The following HERC4 variants were observed in gnomAD, a reference collection of about 807,000 sequenced individuals.
The protein encoded by HERC4 is probable E3 ubiquitin-protein ligase HERC4.
A neutral mutation model predicts 124.3 loss-of-function variants in HERC4; 28 were observed. The ratio of observed to expected loss-of-function variants is 0.23; its 90% CI spans 0.17 to 0.31. The LOEUF (loss-of-function observed/expected upper bound fraction) is 0.31, where lower values mean the gene tolerates loss of function less well. Ranked by LOEUF, HERC4 falls within the 10% of genes least tolerant of loss-of-function variation. HERC4 has a pLI of 1.00. For synonymous variants in HERC4, 407 were observed against 421.5 expected (o/e 0.97, Z 0.42); for missense variants, 713 against 1,229.3 (o/e 0.58, Z 6.28).
At chr10:68,027,525 A>G (rs969896830) in intron 7 of HERC4, among the ~76,000 whole-genome samples, 1 of 152,232 alleles carries the variant, frequency 6.6e-6, no homozygotes, top group African/African-American at 2.4e-5. Flanking sequence ...AATCAATACT[A>G]ATTTCTTAAT....
At chr10:68,048,531 T>C (rs1390138271) in intron 3 of HERC4, among the ~76,000 whole-genome samples, 3 of 152,140 alleles carry the variant, frequency 2.0e-5, no homozygotes, top group Admixed American at 6.5e-5. Flanking sequence ...AGGCAGAGCA[T>C]AGAGGATTTT....
chr10:67,984,521 T>C (rs989378525), intron 15 of HERC4, among the ~76,000 whole-genome samples: 1 of 151,822 alleles, frequency 6.6e-6, no homozygotes, highest in Non-Finnish European at 1.5e-5. Context: ...GGCAGGGGCA[T>C]GGGTGAGGTT....
At chr10:67,992,040 AG>A (rs1191455314) in intron 11 of HERC4, among the ~76,000 whole-genome samples, 158 bp downstream of exon 11, 1 of 152,074 alleles carries the variant, frequency 6.6e-6, no homozygotes, top group Non-Finnish European at 1.5e-5. Context: ...CTGAGACCAC[AG>A]GTGTGCACCA....
intron 21 of HERC4, among the ~76,000 whole-genome samples, chr10:67,936,782 ATCTTT>A (rs1335112876): frequency 6.6e-6 from 1 of 152,140 alleles, no homozygotes; most frequent in Non-Finnish European, 1.5e-5. Context: ...CCACTTATGC[ATCTTT>A]TCTTTTGCTA....
At chr10:67,945,301 T>G (rs1446804190) in intron 19 of HERC4, among the ~76,000 whole-genome samples, 1 of 152,170 alleles carries the variant, frequency 6.6e-6, no homozygotes, top group Non-Finnish European at 1.5e-5. Context: ...CATGACATAT[T>G]TACAGTGCTG....
chr10:68,005,865 C>T (rs1316438980), intron 9 of HERC4, among the ~76,000 whole-genome samples: 1 of 152,034 alleles, frequency 6.6e-6, no homozygotes, highest in Non-Finnish European at 1.5e-5. Context: ...TGATGCCAGG[C>T]TAATTTTTAT....
At chr10:68,003,161 A>AC (rs1159946559) in intron 9 of HERC4, among the ~76,000 whole-genome samples, 1 of 146,090 alleles carries the variant, frequency 6.8e-6, no homozygotes, top group East Asian at 2.0e-4. Context: ...ATATTTTTAT[A>AC]CTTTTTTTTT....
intron 3 of HERC4, among the ~76,000 whole-genome samples, chr10:68,059,539 T>TA (rs1564607389): frequency 4.9e-4 from 57 of 116,018 alleles, no homozygotes; most frequent in Admixed American, 8.1e-4. Flanking sequence ...TTATATATCA[T>TA]ATTATATATC....
chr10:68,056,986 G>T (rs1464047672), intron 3 of HERC4, among the ~76,000 whole-genome samples: 1 of 152,146 alleles, frequency 6.6e-6, no homozygotes, highest in Non-Finnish European at 1.5e-5. Context: ...CAAGGAAAAG[G>T]AGTTGTTTTT....
chr10:67,958,425 C>T (rs1163739390), intron 16 of HERC4, among the ~76,000 whole-genome samples: 1 of 152,170 alleles, frequency 6.6e-6, no homozygotes, highest in African/African-American at 2.4e-5. Flanking sequence ...TTCTATTTGA[C>T]AATGAGGAAG....
At chr10:67,931,295 T>C (rs946660991) in intron 23 of HERC4, among the ~76,000 whole-genome samples, 5 of 152,056 alleles carry the variant, frequency 3.3e-5, no homozygotes, top group South Asian at 2.1e-4. Context: ...GCACTTTCTA[T>C]TAAATGTTTA....
chr10:68,020,755 C>T lies in HERC4; in HGVS notation c.908+4791G>A, dbSNP rs1262340108. Among the ~76,000 whole-genome samples the T allele has an allele frequency of 2.5e-4, 35 of 140,180 alleles. 1 individual carries two copies. In the East Asian group the frequency reaches 4.0e-3, roughly 16 times the overall value. 92.0% of individuals were successfully genotyped at this position (140,180 alleles called of 152,430 possible). ...CTGCACTCCAGCCTGGGCGACAGAG[C>T]GAGACTCCGTCTCAAAAAAAAAAAA... On this transcript the variant is annotated intron_variant, in intron 8 of 24. Coordinates refer to ENST00000373700, the MANE Select transcript of HERC4 (RefSeq NM_015601.4).
chr10:67,946,799 C>T (rs1033211176), intron 19 of HERC4, among the ~76,000 whole-genome samples: 12 of 151,988 alleles, frequency 7.9e-5, no homozygotes, highest in South Asian at 2.1e-4. Context: ...CCCAGCTACT[C>T]GGGAGGCTGA....
At position 67,936,139 on chromosome 10, in the gene HERC4, TA is replaced by T; in HGVS notation, c.2654+13del. 1 of 1,549,646 alleles carries T rather than the reference TA, an allele frequency of 6.5e-7. No individual in the cohort carries two copies. The highest frequency in any genetic ancestry group is 8.7e-7 in the Non-Finnish European group (1 of 1,144,572). ...ATCTTATTACTCCCACTGTTGCTGC[TA>T]AAATTCACTTACCGATTTTGTTTGT... On this transcript the variant is annotated intron_variant, in intron 22 of 24. Transcript: ENST00000373700.
chr10:67,990,809 G>A (rs2036511279), intron 13 of HERC4, 95 bp downstream of exon 13: 2 of 671,470 alleles, frequency 3.0e-6, no homozygotes, highest in Non-Finnish European at 4.9e-6. Context: ...GTAAGAGTCT[G>A]TGAAACTGCA....
chr10:67,929,829 T>TTTTTTTTTTTTTTG, intron 23 of HERC4, among the ~76,000 whole-genome samples: 1 of 150,598 alleles, frequency 6.6e-6, no homozygotes, highest in African/African-American at 2.5e-5. Flanking sequence ...ATTTTTTTTT[T>TTTTTTTTTTTTTTG]GAGATGGAGT....
chr10:68,031,196 A>C (rs911002527), intron 7 of HERC4, among the ~76,000 whole-genome samples: 1 of 152,212 alleles, frequency 6.6e-6, no homozygotes, highest in African/African-American at 2.4e-5. Context: ...GCATTTCTTA[A>C]AACTAAATAG....
intron 22 of HERC4, among the ~76,000 whole-genome samples, chr10:67,935,270 C>T (rs1447188787): frequency 6.6e-6 from 1 of 151,936 alleles, no homozygotes; most frequent in Non-Finnish European, 1.5e-5. Context: ...CTCAGCCTCC[C>T]GAGTAGCTGG....
In HERC4 at chr10:68,071,020, A is replaced by G. The variant is rs181086835; in HGVS notation, c.226+1863T>C. Among the ~76,000 whole-genome samples the G allele has an allele frequency of 1.8e-3, 267 of 152,326 alleles. 5 individuals are homozygous for G. Among genetic ancestry groups the G allele is most frequent in the Non-Finnish European group, 4.7e-4 (32 of 68,030 alleles). On this transcript the variant is annotated intron_variant, in intron 3 of 24. Transcript: ENST00000373700. Reference sequence around the variant, plus strand: ...GTTGTTCATGTATACCTTAACTCCCAACCCAGACTCTAAATTTCTCAAGAC... The same window carrying G: ...GTTGTTCATGTATACCTTAACTCCCGACCCAGACTCTAAATTTCTCAAGAC...
Sources: gnomAD v4.1 joint callset for allele counts (sites outside exome capture counted in the v4.1 genomes callset) on GRCh38, gnomAD v4.1.1 for gene constraint, MANE v1.5 for transcripts, NCBI Gene and HGNC (gene_info 2026-07-23, HGNC 2026-07-21) for gene names.